The following PLAAT5 variants were observed in gnomAD, a reference collection of about 807,000 sequenced individuals.
The protein encoded by PLAAT5 is Ca(2+)-independent N-acyltransferase.
Under a neutral mutation model 27.8 loss-of-function variants are expected in PLAAT5, and 27 were observed. The ratio of observed to expected loss-of-function variants is 0.97; its 90% confidence interval spans 0.72 to 1.34. PLAAT5 has a LOEUF of 1.34. Ranked by LOEUF, PLAAT5 falls within the 40% of genes most tolerant of loss-of-function variation. The pLI is 0.00. For missense variants in PLAAT5, 368 were observed against 343.8 expected, an observed-to-expected ratio of 1.07 and a Z score of -0.56; for synonymous variants, 125 against 136.1, an observed-to-expected ratio of 0.92 and a Z score of 0.57.
intron 2 of PLAAT5, among the ~76,000 whole-genome samples, chr11:63,489,663 A>G (rs1321070351): frequency 2.0e-5 from 3 of 152,234 alleles, no homozygotes; most frequent in Admixed American, 6.5e-5. Context: ...CTTTAAAAAT[A>G]GAGATGAAAA....
chr11:63,464,549 G>A (rs1165223483), intron 5 of PLAAT5, among the ~76,000 whole-genome samples: 2 of 151,982 alleles, frequency 1.3e-5, no homozygotes, highest in Non-Finnish European at 2.9e-5. Context: ...CCAGCTACTC[G>A]GGAGGCTGAA....
chr11:63,487,669 G>A (rs889315718), intron 3 of PLAAT5, among the ~76,000 whole-genome samples: 1 of 152,146 alleles, frequency 6.6e-6, no homozygotes, highest in South Asian at 2.1e-4. Context: ...TATACAGTCT[G>A]CACAAAGACT....
At chr11:63,479,094 C>A (rs1349830506) in intron 3 of PLAAT5, among the ~76,000 whole-genome samples, 1 of 152,188 alleles carries the variant, frequency 6.6e-6, no homozygotes, top group Non-Finnish European at 1.5e-5. Flanking sequence ...CCAGGGAAAG[C>A]AGTAGGGATA....
intron 3 of PLAAT5, among the ~76,000 whole-genome samples, chr11:63,482,163 A>G (rs1415030470): frequency 6.6e-6 from 1 of 152,240 alleles, no homozygotes; most frequent in Non-Finnish European, 1.5e-5. Context: ...CCTGAGGAAG[A>G]AGAGGAATCT....
At position 63,463,563 on chromosome 11, in the gene PLAAT5, A is replaced by G; in HGVS notation, c.750T>C (p.Ala250=). 1.2e-6 allele frequency: 2 copies of G among 1,613,890 alleles called. No homozygotes were observed. The highest frequency in any genetic ancestry group is 1.7e-6 in the Non-Finnish European group (2 of 1,180,024). Residue 250 remains alanine, a synonymous_variant, in exon 6 of 6, where the codon GCT becomes GCC. Transcript: ENST00000540857. ...VEHALMEGAK[A]AGAVISAVVD... Reference sequence around the variant, plus strand: ...CTACAGCTGAAATAACTGCTCCAGCAGCCTTCGCTCCTTCCATCAGGGCGT... The same window carrying G: ...CTACAGCTGAAATAACTGCTCCAGCGGCCTTCGCTCCTTCCATCAGGGCGT...
intron 3 of PLAAT5, among the ~76,000 whole-genome samples, chr11:63,475,217 G>A (rs1314003191): frequency 6.7e-6 from 1 of 149,630 alleles, no homozygotes; most frequent in African/African-American, 2.5e-5. Context: ...CTGTCTAGTT[G>A]TTCTATCCAC....
rs141415628 is a variant in PLAAT5, at chr11:63,484,396, A to T, written c.345+4475T>A. The stretch of plus-strand genomic sequence containing the variant: ...GAACACGGATGCAAAAATCCTCAAC[A>T]AAATACTAGTTAACTGAATCAAACA... On this transcript the variant is annotated intron_variant, in intron 3 of 5. Transcript: ENST00000540857. Among the ~76,000 whole-genome samples the T allele has an allele frequency of 9.4e-3, 1,437 of 152,292 alleles. 6 individuals carry two copies. The highest frequency in any genetic ancestry group is 0.014 in the Non-Finnish European group (982 of 67,994).
chr11:63,477,264 T>C (rs1038931886), intron 3 of PLAAT5, among the ~76,000 whole-genome samples: 1 of 152,144 alleles, frequency 6.6e-6, no homozygotes. Context: ...GTCTCATAAT[T>C]TGTTGTTGAA....
intron 3 of PLAAT5, among the ~76,000 whole-genome samples, chr11:63,475,701 C>G (rs2016136716): frequency 6.6e-6 from 1 of 151,806 alleles, no homozygotes; most frequent in Non-Finnish European, 1.5e-5. Context: ...CCTCTTTTGC[C>G]TTCTTTTTTG....
At chr11:63,469,725 A>C (rs1016358664) in intron 3 of PLAAT5, 5 of 160,408 alleles carry the variant, frequency 3.1e-5, no homozygotes, top group African/African-American at 1.2e-4. Context: ...GAAAGTCTCT[A>C]GCAAATTTTC....
intron 3 of PLAAT5, among the ~76,000 whole-genome samples, chr11:63,468,789 T>C (rs2015934164): frequency 6.6e-6 from 1 of 152,200 alleles, no homozygotes; most frequent in Admixed American, 6.5e-5. Context: ...GCAAGTAAGA[T>C]GTTAAACCTT....
intron 3 of PLAAT5, among the ~76,000 whole-genome samples, chr11:63,469,145 T>TGAGAGAGAGAGA (rs1555025561): frequency 8.1e-6 from 1 of 122,716 alleles, no homozygotes; most frequent in Admixed American, 7.9e-5. Context: ...TGTGTGTGTG[T>TGAGAGAGAGAGA]GAGAGAGAGA....
chr11:63,466,411 G>A (rs759693491), intron 4 of PLAAT5, 39 bp from the exon 5 acceptor site: 32 of 1,600,902 alleles, frequency 2.0e-5, no homozygotes, highest in Non-Finnish European at 2.7e-5. Flanking sequence ...GAAATACAAG[G>A]AGTAGCAAAG....
At position 63,475,722 on chromosome 11, in the gene PLAAT5, G is replaced by A. The variant is rs148551283; in HGVS notation, c.346-7257C>T. Among the ~76,000 whole-genome samples the A allele has an allele frequency of 8.8e-3, 1,343 of 151,848 alleles. 27 individuals are homozygous for A. The highest frequency in any genetic ancestry group is 0.03 in the African/African-American group (1,237 of 41,444). On this transcript the variant is annotated intron_variant, in intron 3 of 5. Transcript: ENST00000540857. ...TTGCCTTCTTTTTTGTATCAAATAC[G>A]TATTTTCTAATGATCATTTTAATTC...
Position 63,462,141 on chromosome 11 carries a change from G to T in PLAAT5, c.*1362C>A, listed in dbSNP as rs755796592. The T allele has an allele frequency of 3.9e-5, 6 of 152,120 alleles. No homozygotes were observed. Among genetic ancestry groups the T allele is most frequent in the African/African-American group, 1.4e-4 (6 of 41,414 alleles). The allele number at this position is 152,120 out of a possible 1,614,324, so 9.4% of individuals were successfully genotyped here. A position where few individuals can be genotyped will look rare whatever the true frequency, so the allele number is the denominator to read the frequency against. ...TAAAGCATTCACTAAAACATGGCTG[G>T]GTTAGTTTGCAGCTAAAAGGAATAA... On this transcript the variant is annotated 3_prime_UTR_variant, in exon 6 of 6. Coordinates refer to ENST00000540857, the MANE Select transcript of PLAAT5 (RefSeq NM_001146729.2).
At chr11:63,488,791 G>T in intron 3 of PLAAT5, 80 bp downstream of exon 3, 1 of 979,200 alleles carries the variant, frequency 1.0e-6, no homozygotes, top group Non-Finnish European at 1.6e-6. Context: ...GACACCCCTA[G>T]AAACAAAGTA....
rs997425719 is a variant in PLAAT5 at position 63,462,487 on chromosome 11, A to G, written c.*1016T>C. The G allele has an allele frequency of 6.6e-6, 1 of 152,158 alleles. No individual in the cohort carries two copies. The highest frequency in any genetic ancestry group is 2.4e-5 in the African/African-American group (1 of 41,442). The allele number at this position is 152,158 out of a possible 1,614,324, so 9.4% of individuals were successfully genotyped here. ...CATTGAAGAGTTTCAGTGAGAGTCT[A>G]TTTTCTCCAAATAGGAGAAAAGCTT... On this transcript the variant is annotated 3_prime_UTR_variant, in exon 6 of 6. Coordinates refer to ENST00000540857, the MANE Select transcript of PLAAT5 (RefSeq NM_001146729.2).
intron 3 of PLAAT5, among the ~76,000 whole-genome samples, chr11:63,487,456 A>G (rs1173523627): frequency 6.6e-6 from 1 of 152,188 alleles, no homozygotes; most frequent in Non-Finnish European, 1.5e-5. Flanking sequence ...TGGAACTCTT[A>G]TAAACTGCTG....
At position 63,487,575 on chromosome 11, in the gene PLAAT5, T is replaced by C. The variant is rs567254562; in HGVS notation, c.345+1296A>G. Among the ~76,000 whole-genome samples, 197 of 151,644 alleles carry C rather than the reference T, an allele frequency of 1.3e-3. 1 individual carries two copies. The highest frequency in any genetic ancestry group is 2.0e-3 in the Admixed American group (30 of 15,226). On this transcript the variant is annotated intron_variant, in intron 3 of 5. Coordinates refer to ENST00000540857, the MANE Select transcript of PLAAT5 (RefSeq NM_001146729.2). Reference sequence around the variant, plus strand: ...AAAGCCCCAAAAAAGAAAAAAAAAATGTTAAGGAAAACAGTAAATTAAATA... The same window carrying C: ...AAAGCCCCAAAAAAGAAAAAAAAAACGTTAAGGAAAACAGTAAATTAAATA...
Sources: allele counts gnomAD v4.1 joint callset (sites outside exome capture counted in the v4.1 genomes callset), GRCh38; gene constraint gnomAD v4.1.1; transcripts MANE v1.5; gene names NCBI Gene and HGNC (gene_info 2026-07-23, HGNC 2026-07-21).